The following ETV5 variants were observed in gnomAD, a reference collection of about 807,000 sequenced individuals.
ETV5 encodes the protein ETS variant transcription factor 5.
In ETV5, 10 loss-of-function variants were observed where a neutral mutation model predicts 70.0. The ratio of observed to expected loss-of-function variants is 0.14; its 90% CI spans 0.09 to 0.24. The LOEUF (loss-of-function observed/expected upper bound fraction) is 0.24, where lower values mean the gene tolerates loss of function less well. Among genes scored for constraint, ETV5 ranks in the 10% least tolerant of loss-of-function variants. The pLI is 1.00. For missense variants in ETV5, 453 were observed against 651.2 expected, an observed-to-expected ratio of 0.70 and a Z score of 3.31; for synonymous variants, 216 against 242.2, an observed-to-expected ratio of 0.89 and a Z score of 1.01.
Position 186,109,009 on chromosome 3 carries a change from G to A in ETV5, c.-144C>T, listed in dbSNP as rs867316487. The A allele has an allele frequency of 6.5e-6, 1 of 153,528 alleles. No individual in the cohort carries two copies. The highest frequency in any genetic ancestry group is 1.5e-5 in the Non-Finnish European group (1 of 68,816). 9.5% of individuals were successfully genotyped at this position (153,528 alleles called of 1,614,324 possible). On this transcript the variant is annotated 5_prime_UTR_variant, in exon 1 of 13. Transcript: ENST00000306376. Reference sequence around the variant, plus strand: ...AGGCGCGCTCACGCACGCGCGCAGCGGGCCTGGGCGCCTGGGCGAAAGGCT... The same window carrying A: ...AGGCGCGCTCACGCACGCGCGCAGCAGGCCTGGGCGCCTGGGCGAAAGGCT...
intron 5 of ETV5, among the ~76,000 whole-genome samples, chr3:186,100,966 C>A (rs1026436011): frequency 3.9e-5 from 6 of 152,196 alleles, no homozygotes; most frequent in African/African-American, 7.2e-5. Context: ...GTAACACACT[C>A]TTTAAGTACC....
chr3:186,079,851 T>G lies in ETV5; in HGVS notation c.616A>C (p.Met206Leu). 6.2e-7 allele frequency: 1 copy of G among 1,609,650 alleles called. No homozygotes were observed. Among genetic ancestry groups the G allele is most frequent in the Non-Finnish European group, 8.5e-7 (1 of 1,178,246 alleles). Residue 206 changes from methionine to leucine, a missense_variant, in exon 7 of 13, where the codon ATG (methionine) becomes CTG (leucine). By Grantham distance (15) the Met-to-Leu change is conservative. This residue lies in a region of ETV5 where 307 missense variants were observed against 344.9 expected (regional missense o/e 0.89). Transcript: ENST00000306376. ...GATGGATACTGGTTTTCAGGCATCATCTTTGGCATCTGCAGGGGCTGATGT... is the reference window on the plus strand; with the variant it reads ...GATGGATACTGGTTTTCAGGCATCAGCTTTGGCATCTGCAGGGGCTGATGT... Reference protein sequence around the residue: ...PPHQPLQMPKMMPENQYPSEQ... With the variant: ...PPHQPLQMPKLMPENQYPSEQ...
intron 11 of ETV5, among the ~76,000 whole-genome samples, chr3:186,056,544 G>A (rs547320145): frequency 6.6e-5 from 10 of 151,910 alleles, no homozygotes; most frequent in East Asian, 3.9e-4. Flanking sequence ...CACTGCACCC[G>A]GCCATAACAC....
At chr3:186,108,532 C>A (rs1427579635) in intron 1 of ETV5, 1 of 1,285,754 alleles carries the variant, frequency 7.8e-7, no homozygotes, top group Non-Finnish European at 1.0e-6. Flanking sequence ...CTTCCCGCCC[C>A]CTCCTCCCAA....
intron 9 of ETV5, among the ~76,000 whole-genome samples, chr3:186,059,807 T>C (rs1328911956): frequency 1.3e-5 from 2 of 152,234 alleles, no homozygotes; most frequent in South Asian, 2.1e-4. Context: ...AGTGTCCTCA[T>C]GGCACCTTAC....
chr3:186,075,129 A>C (rs1713749766), intron 7 of ETV5, among the ~76,000 whole-genome samples: 1 of 152,174 alleles, frequency 6.6e-6, no homozygotes, highest in African/African-American at 2.4e-5. Context: ...GAAATGCTAA[A>C]AACAAACCCT....
At chr3:186,106,271 T>G (rs528462327) in intron 1 of ETV5, among the ~76,000 whole-genome samples, 2 of 152,336 alleles carry the variant, frequency 1.3e-5, no homozygotes, top group South Asian at 4.1e-4. Flanking sequence ...ATTTCAAGAT[T>G]CTCTCATATA....
At chr3:186,067,761 T>TA (rs1380225700) in intron 7 of ETV5, among the ~76,000 whole-genome samples, 1 of 152,114 alleles carries the variant, frequency 6.6e-6, no homozygotes, top group Non-Finnish European at 1.5e-5. Flanking sequence ...TTCTATAACT[T>TA]AAAAAGACAT....
In ETV5 at chr3:186,109,037, G is replaced by C. The variant is rs1192147592; in HGVS notation, c.-172C>G. On this transcript the variant is annotated 5_prime_UTR_variant, in exon 1 of 13. Transcript: ENST00000306376. ...CCTGGGCGCCTGGGCGAAAGGCTGG[G>C]CCGAACCGCTCCGAAGACGGTGAAC... is the stretch of plus-strand genomic sequence containing the variant. 1 of 152,818 alleles carries C rather than the reference G, an allele frequency of 6.5e-6. No individual in the cohort carries two copies. Among genetic ancestry groups the C allele is most frequent in the Admixed American group, 6.5e-5 (1 of 15,286 alleles). The allele number at this position is 152,818 out of a possible 1,614,324, so 9.5% of individuals were successfully genotyped here.
chr3:186,100,921 T>G (rs1299130898), intron 5 of ETV5, among the ~76,000 whole-genome samples: 1 of 152,228 alleles, frequency 6.6e-6, no homozygotes, highest in East Asian at 1.9e-4. Flanking sequence ...AAAATGTATA[T>G]TTAAAAAACT....
chr3:186,052,586 A>G lies in ETV5; in HGVS notation c.1210-455T>C, dbSNP rs1254313660. ...CCAGCAGAGCAAAAGTTCAATTCTAATAAGATTGGAGGGGGGCTGGGAGAT... is the reference window on the plus strand; with the variant it reads ...CCAGCAGAGCAAAAGTTCAATTCTAGTAAGATTGGAGGGGGGCTGGGAGAT... On this transcript the variant is annotated intron_variant, in intron 11 of 12. Transcript: ENST00000306376. The surrounding 1 kb of genome is among the most constrained non-coding windows in gnomAD (Gnocchi z 4.5). Among the ~76,000 whole-genome samples the G allele has an allele frequency of 1.3e-5, 2 of 152,202 alleles. No individual in the cohort carries two copies. The highest frequency in any genetic ancestry group is 6.5e-5 in the Admixed American group (1 of 15,268).
At chr3:186,051,269 C>T (rs2150140786) in intron 12 of ETV5, among the ~76,000 whole-genome samples, 1 of 152,324 alleles carries the variant, frequency 6.6e-6, no homozygotes, top group African/African-American at 2.4e-5. Context: ...TATGCTTCTG[C>T]CACGTTCATC....
intron 5 of ETV5, among the ~76,000 whole-genome samples, chr3:186,103,221 T>C (rs2108445605): frequency 6.6e-6 from 1 of 152,300 alleles, no homozygotes; most frequent in East Asian, 1.9e-4. Context: ...TACCTCCACT[T>C]GAGGTATGGA....
At position 186,082,110 on chromosome 3, in the gene ETV5, C is replaced by A. The variant is rs959967620; in HGVS notation, c.233-935G>T. Among the ~76,000 whole-genome samples the A allele has an allele frequency of 5.9e-5, 9 of 152,302 alleles. No homozygotes were observed. In the South Asian group the frequency reaches 6.2e-4, roughly 11 times the overall value. On this transcript the variant is annotated intron_variant, in intron 5 of 12. Coordinates refer to ENST00000306376, the MANE Select transcript of ETV5 (RefSeq NM_004454.3). ...TTGCCTTTTCTGTCTTCTCTAGGAG[C>A]TAAATTGTTGCAGAGACAGCATTTT...
rs1331172669 is a variant in ETV5 at position 186,070,781 on chromosome 3, A to C, written c.651-4709T>G. Among the ~76,000 whole-genome samples, 3 of 152,214 alleles carry C rather than the reference A, an allele frequency of 2.0e-5. No individual in the cohort carries two copies. In the East Asian group the frequency reaches 5.8e-4, roughly 29 times the overall value. On this transcript the variant is annotated intron_variant, in intron 7 of 12. Transcript: ENST00000306376. ...TATCTAAGAATGTGTTGTATACATA[A>C]TACAGCTACAACAAAGATGCCTCTA...
intron 7 of ETV5, among the ~76,000 whole-genome samples, chr3:186,069,479 T>C (rs921325476): frequency 2.0e-5 from 3 of 151,838 alleles, no homozygotes; most frequent in Non-Finnish European, 4.4e-5. Context: ...AGGGAATTCT[T>C]TCAGAAAAGA....
At chr3:186,062,773 A>T (rs1436129629) in intron 9 of ETV5, among the ~76,000 whole-genome samples, 1 of 152,238 alleles carries the variant, frequency 6.6e-6, no homozygotes, top group Non-Finnish European at 1.5e-5. Flanking sequence ...TTAAAAAAAG[A>T]CTATAAAACA....
intron 5 of ETV5, among the ~76,000 whole-genome samples, chr3:186,097,895 T>C (rs1237644173): frequency 1.3e-5 from 2 of 152,182 alleles, no homozygotes; most frequent in East Asian, 1.9e-4. Context: ...TGGTTATTCA[T>C]TGAAAAAGTC....
At chr3:186,103,864 A>T (rs182218909) in intron 5 of ETV5, among the ~76,000 whole-genome samples, 87 of 152,348 alleles carry the variant, frequency 5.7e-4, no homozygotes, top group African/African-American at 2.0e-3. Flanking sequence ...TGCCTTGGAC[A>T]TGAGGCCTAT....
Sources: allele counts gnomAD v4.1 joint callset (sites outside exome capture counted in the v4.1 genomes callset), GRCh38; gene constraint gnomAD v4.1.1; regional missense constraint gnomAD v4.1.1; non-coding constraint Gnocchi (gnomAD v3.1); transcripts MANE v1.5; gene names NCBI Gene and HGNC (gene_info 2026-07-23, HGNC 2026-07-21).